TRAPPC11: variants seen among roughly 807,000 people sequenced by gnomAD.
TRAPPC11 encodes trafficking protein particle complex subunit 11, also known as foie gras homolog.
TRAPPC11 carries 104 observed loss-of-function variants against 151.2 expected under a neutral mutation model. The observed-to-expected ratio is 0.69, with a 90% CI of 0.59 to 0.81. The LOEUF (loss-of-function observed/expected upper bound fraction) is 0.81. TRAPPC11 is among the 30% of genes least tolerant of loss of function. TRAPPC11 has a pLI of 0.00. For missense variants in TRAPPC11, 1,230 were observed against 1,349.6 expected (o/e 0.91, Z 1.39); for synonymous variants, 456 against 472.3 (o/e 0.97, Z 0.45).
intron 9 of TRAPPC11, 98 bp downstream of exon 9, chr4:183,679,584 T>G: frequency 1.0e-6 from 1 of 1,000,464 alleles, no homozygotes; most frequent in Non-Finnish European, 1.4e-6. Context: ...CCAGGTTTTT[T>G]GTCACTAAGT....
At chr4:183,681,824 G>T (rs1469386732) in intron 10 of TRAPPC11, among the ~76,000 whole-genome samples, 1 of 151,508 alleles carries the variant, frequency 6.6e-6, no homozygotes, top group Non-Finnish European at 1.5e-5. Context: ...AATTTGAGAA[G>T]CTTTAAAACT....
chr4:183,660,927 T>C, intron 1 of TRAPPC11, among the ~76,000 whole-genome samples: 1 of 151,996 alleles, frequency 6.6e-6, no homozygotes, highest in Non-Finnish European at 1.5e-5. Context: ...TTGGCCAGGC[T>C]GGTTTTGAAC....
At chr4:183,685,524 A>C in intron 17 of TRAPPC11, 121 bp downstream of exon 17, 1 of 1,167,494 alleles carries the variant, frequency 8.6e-7, no homozygotes, top group Non-Finnish European at 1.2e-6. Context: ...ATCATGTTAT[A>C]GATAAACTGA....
Position 183,706,909 on chromosome 4 carries a change from G to T in TRAPPC11, c.3158G>T (p.Ser1053Ile). 6.2e-7 allele frequency: 1 copy of T among 1,614,134 alleles called. No homozygotes were observed. The highest frequency in any genetic ancestry group is 8.5e-7 in the Non-Finnish European group (1 of 1,180,022). The change falls in exon 28 of 30, where the codon AGT (serine) becomes ATT (isoleucine). Residue 1053 changes from serine to isoleucine, a missense_variant. Ser to Ile is a moderately radical substitution (Grantham distance 142). Transcript: ENST00000334690. ...GATGTAGAAATTTCTGTGGAGCCCA[G>T]TGATGCCTTCATGTTCTCAGGTCTC... is the stretch of plus-strand genomic sequence containing the variant. ...VQDVEISVEP[S>I]DAFMFSGLKQ...
chr4:183,684,913 T>G (rs773598303), intron 15 of TRAPPC11, 72 bp downstream of exon 15: 4 of 1,459,490 alleles, frequency 2.7e-6, no homozygotes, highest in Middle Eastern at 2.0e-4. Flanking sequence ...TTTTAAAATT[T>G]AAAGAATAAT....
chr4:183,674,670 A>G (rs745745801), intron 5 of TRAPPC11, 43 bp from the exon 6 acceptor site: 1 of 1,200,616 alleles, frequency 8.3e-7, no homozygotes, highest in Non-Finnish European at 1.2e-6. Context: ...TTGGTTTAAA[A>G]TAATTCAATA....
chr4:183,661,947 T>G (rs192837254), intron 1 of TRAPPC11, among the ~76,000 whole-genome samples: 197 of 151,952 alleles, frequency 1.3e-3, no homozygotes, highest in African/African-American at 3.9e-3. Context: ...TTATTTCTTT[T>G]AGAGACAGGA....
intron 18 of TRAPPC11, among the ~76,000 whole-genome samples, chr4:183,687,615 C>T (rs913555973): frequency 6.6e-6 from 1 of 152,078 alleles, no homozygotes; most frequent in African/African-American, 2.4e-5. Context: ...AGGTGTGAGG[C>T]ATCACATCTG....
intron 1 of TRAPPC11, among the ~76,000 whole-genome samples, chr4:183,661,378 T>TTTG (rs1734510972): frequency 7.2e-6 from 1 of 138,706 alleles, no homozygotes; most frequent in South Asian, 2.3e-4. Context: ...TTTTTTTTTT[T>TTTG]TTTTTTTTGA....
chr4:183,705,505 G>T (rs1434664860), intron 27 of TRAPPC11, among the ~76,000 whole-genome samples: 1 of 152,056 alleles, frequency 6.6e-6, no homozygotes, highest in African/African-American at 2.4e-5. Context: ...TAGGCAGCTA[G>T]GCTGACTACT....
intron 18 of TRAPPC11, among the ~76,000 whole-genome samples, chr4:183,690,758 G>C (rs1736219237): frequency 6.6e-6 from 1 of 152,142 alleles, no homozygotes; most frequent in Non-Finnish European, 1.5e-5. Flanking sequence ...CTTGAGCCCA[G>C]GAAGTTTGAA....
intron 10 of TRAPPC11, among the ~76,000 whole-genome samples, chr4:183,680,831 T>G (rs1735647256): frequency 6.6e-6 from 1 of 152,000 alleles, no homozygotes; most frequent in Non-Finnish European, 1.5e-5. Flanking sequence ...TAGCTGGGAT[T>G]ACAGGCGCCC....
rs191935509 is a variant in TRAPPC11, at chr4:183,666,187, G to A, written c.205-70G>A. The A allele has an allele frequency of 1.4e-4, 197 of 1,454,616 alleles. 1 individual carries two copies. The East Asian group carries it at 4.2e-3, about 31-fold the overall frequency. 90.1% of individuals were successfully genotyped at this position (1,454,616 alleles called of 1,614,324 possible). A position where few individuals can be genotyped will look rare whatever the true frequency, so the allele number is the denominator to read the frequency against. On this transcript the variant is annotated intron_variant, in intron 2 of 29. Coordinates refer to ENST00000334690, the MANE Select transcript of TRAPPC11 (RefSeq NM_021942.6). ...TGAATGAGATCAATGCACATAAAGT[G>A]CTTGGCACTCAGTAACAGGTGGTTT...
rs1257631661 is a variant in TRAPPC11, at chr4:183,713,045, A to G, written c.*401A>G. 1.1e-5 allele frequency: 2 copies of G among 182,972 alleles called. No homozygotes were observed. Among genetic ancestry groups the G allele is most frequent in the Non-Finnish European group, 2.3e-5 (2 of 88,096 alleles). 11.3% of individuals were successfully genotyped at this position (182,972 alleles called of 1,614,324 possible). The stretch of plus-strand genomic sequence containing the variant: ...TCCGAATCCCCCATGTGTCTCTTTC[A>G]GAGCTGGCCAGACCGGAAATAAATC... On this transcript the variant is annotated 3_prime_UTR_variant, in exon 30 of 30. Transcript: ENST00000334690.
chr4:183,672,152 C>T (rs1735187082), intron 5 of TRAPPC11, among the ~76,000 whole-genome samples: 1 of 152,078 alleles, frequency 6.6e-6, no homozygotes, highest in South Asian at 2.1e-4. Context: ...GTAAGTCTTA[C>T]AGGATTTCAG....
At chr4:183,683,551 A>G (rs1369995449) in intron 11 of TRAPPC11, among the ~76,000 whole-genome samples, 1 of 152,054 alleles carries the variant, frequency 6.6e-6, no homozygotes, top group Non-Finnish European at 1.5e-5. Flanking sequence ...AGTCCCAGCT[A>G]CTTGGGAGGC....
chr4:183,664,620 A>G (rs1734746488), intron 2 of TRAPPC11, among the ~76,000 whole-genome samples: 1 of 152,204 alleles, frequency 6.6e-6, no homozygotes, highest in Non-Finnish European at 1.5e-5. Context: ...CGACATAGTA[A>G]AGACGACTTT....
chr4:183,697,180 C>T (rs552952849), intron 23 of TRAPPC11, among the ~76,000 whole-genome samples: 3 of 152,008 alleles, frequency 2.0e-5, no homozygotes, highest in East Asian at 1.9e-4. Context: ...ATACGGTAGC[C>T]GGGCGTGGTA....
chr4:183,677,204 A>G (rs1211562130), intron 7 of TRAPPC11, among the ~76,000 whole-genome samples: 3 of 152,172 alleles, frequency 2.0e-5, no homozygotes, highest in Non-Finnish European at 4.4e-5. Context: ...TTTTTAAGTT[A>G]TCTGTTTGTT....
Sources: gnomAD v4.1 joint callset for allele counts (sites outside exome capture counted in the v4.1 genomes callset) on GRCh38, gnomAD v4.1.1 for gene constraint, MANE v1.5 for transcripts, NCBI Gene and HGNC (gene_info 2026-07-23, HGNC 2026-07-21) for gene names.